Variants in ZNF888 observed in about 807,000 individuals in gnomAD.
ZNF888 encodes zinc finger protein 888.
In ZNF888, 5 loss-of-function variants were observed where a neutral mutation model predicts 7.2. The ratio of observed to expected loss-of-function variants is 0.70; its 90% CI spans 0.36 to 1.46. The LOEUF (loss-of-function observed/expected upper bound fraction) is 1.46. ZNF888 is among the 40% of genes most tolerant of loss of function. The probability of loss-of-function intolerance (pLI) is 0.03; values close to 1 mark genes in which losing one functional copy is unlikely to be tolerated. For synonymous variants in ZNF888, 240 were observed against 284.3 expected (o/e 0.84, Z 1.57); for missense variants, 716 against 858.0 (o/e 0.83, Z 2.07).
At chr19:52,913,714 C>T (rs1003129529) in intron 4 of ZNF888, 40 of 983,442 alleles carry the variant, frequency 4.1e-5, no homozygotes, top group Admixed American at 6.1e-5. Context: ...TATATCTATA[C>T]GACACACTTC....
Position 52,906,073 on chromosome 19 carries a change from T to TTAC in ZNF888, c.*89_*91dup. On this transcript the variant is annotated 3_prime_UTR_variant, in exon 5 of 5. Coordinates refer to ENST00000638862, the MANE Select transcript of ZNF888 (RefSeq NM_001393938.1). The stretch of plus-strand genomic sequence containing the variant: ...ACGATGTCTGAAAAATTTGCCACAT[T>TTAC]TACTACACTTGTAAGATCTCTATTC... The TTAC allele has an allele frequency of 6.3e-7, 1 of 1,596,654 alleles. No individual in the cohort carries two copies. Among genetic ancestry groups the TTAC allele is most frequent in the African/African-American group, 1.3e-5 (1 of 74,704 alleles).
chr19:52,920,414 A>C lies in ZNF888; in HGVS notation c.-177-1477T>G, dbSNP rs545814420. Among the ~76,000 whole-genome samples, 82 of 48,374 alleles carry C rather than the reference A, an allele frequency of 1.7e-3. 26 individuals are homozygous for C. The highest frequency in any genetic ancestry group is 5.4e-3 in the African/African-American group (79 of 14,562). The allele number at this position is 48,374 out of a possible 152,430, so 31.7% of individuals were successfully genotyped here. On this transcript the variant is annotated intron_variant, in intron 1 of 4. Transcript: ENST00000638862. ...TCCCCAACCCTGTGCTCTCTGAAAC[A>C]TGTGCTGTGTCCACTCAGGGTTAAA...
intron 4 of ZNF888, among the ~76,000 whole-genome samples, chr19:52,912,474 C>A (rs936146075): frequency 1.2e-4 from 18 of 149,272 alleles, no homozygotes; most frequent in Non-Finnish European, 2.2e-4. Context: ...GCCAGTAATC[C>A]CAGTATTTTG....
rs535266768 is a variant in ZNF888, at chr19:52,917,628, T to G, written c.15+231A>C. Among the ~76,000 whole-genome samples, 33 of 152,264 alleles carry G rather than the reference T, an allele frequency of 2.2e-4. No individual in the cohort carries two copies. In the South Asian group the frequency reaches 2.5e-3, roughly 11 times the overall value. ...CTCACCCCGTCTCCATCCATGTCTGTGTGTGAGCCCTTCCCAGGACCATGC... is the reference window on the plus strand; with the variant it reads ...CTCACCCCGTCTCCATCCATGTCTGGGTGTGAGCCCTTCCCAGGACCATGC... On this transcript the variant is annotated intron_variant, in intron 3 of 4. Transcript: ENST00000638862.
rs1447422274 is a variant in ZNF888 at position 52,920,093 on chromosome 19, C to A, written c.-177-1156G>T. Reference sequence around the variant, plus strand: ...GGGGGTCAGCCCCCCGCCCGGCCAGCCGCCCTATCCAGGAGGTGAGGGGCG... The same window carrying A: ...GGGGGTCAGCCCCCCGCCCGGCCAGACGCCCTATCCAGGAGGTGAGGGGCG... On this transcript the variant is annotated intron_variant, in intron 1 of 4. Coordinates refer to ENST00000638862, the MANE Select transcript of ZNF888 (RefSeq NM_001393938.1). 9.3e-5 allele frequency among the ~76,000 whole-genome samples: 5 copies of A among 53,752 alleles called. 2 individuals are homozygous for A. Among genetic ancestry groups the A allele is most frequent in the African/African-American group, 3.4e-4 (5 of 14,750 alleles). 35.3% of individuals were successfully genotyped at this position (53,752 alleles called of 152,430 possible).
chr19:52,916,001 C>G (rs1270255074), intron 3 of ZNF888, among the ~76,000 whole-genome samples: 1 of 152,260 alleles, frequency 6.6e-6, no homozygotes, highest in Non-Finnish European at 1.5e-5. Context: ...AAAAGATCAG[C>G]CAGGTGCAGT....
At chr19:52,919,916 C>T (rs1176270714) in intron 1 of ZNF888, among the ~76,000 whole-genome samples, 9 of 58,170 alleles carry the variant, frequency 1.5e-4, no homozygotes, top group African/African-American at 3.7e-4. Context: ...GGAGCCCCTC[C>T]GTCCGGCAGC....
At chr19:52,915,013 T>C (rs2064727699) in intron 4 of ZNF888, among the ~76,000 whole-genome samples, 183 bp downstream of exon 4, 1 of 152,182 alleles carries the variant, frequency 6.6e-6, no homozygotes, top group Non-Finnish European at 1.5e-5. Context: ...TGAGGTATCA[T>C]GAAGAATGCA....
intron 1 of ZNF888, among the ~76,000 whole-genome samples, chr19:52,922,161 A>T (rs974811783): frequency 6.6e-6 from 1 of 152,116 alleles, no homozygotes; most frequent in Admixed American, 6.5e-5. Context: ...CTAAAAATAC[A>T]AAAATTAGCT....
At chr19:52,910,873 C>T (rs1211090393) in intron 4 of ZNF888, among the ~76,000 whole-genome samples, 2 of 152,098 alleles carry the variant, frequency 1.3e-5, no homozygotes, top group African/African-American at 2.4e-5. Flanking sequence ...GCATGATTCT[C>T]CTACCTCAAG....
intron 3 of ZNF888, among the ~76,000 whole-genome samples, chr19:52,917,064 T>A (rs911674646): frequency 6.6e-6 from 1 of 152,236 alleles, no homozygotes; most frequent in Non-Finnish European, 1.5e-5. Context: ...GTAACACCAC[T>A]GTCTCCATGA....
chr19:52,917,441 C>A, intron 3 of ZNF888: 1 of 473,002 alleles, frequency 2.1e-6, no homozygotes. Flanking sequence ...GAAAACATTT[C>A]CTCTTATCGG....
At chr19:52,916,548 A>C (rs952511348) in intron 3 of ZNF888, among the ~76,000 whole-genome samples, 1 of 149,692 alleles carries the variant, frequency 6.7e-6, no homozygotes, top group African/African-American at 2.5e-5. Flanking sequence ...ATGTGTGGGG[A>C]TGTGTGTATA....
intron 1 of ZNF888, chr19:52,921,734 C>A (rs2064824230): frequency 1.3e-6 from 1 of 741,308 alleles, no homozygotes; most frequent in Non-Finnish European, 1.6e-6. Context: ...TGTAGACCAG[C>A]CTGACCTACA....
At chr19:52,909,687 TAAAAC>T (rs1568742656) in intron 4 of ZNF888, among the ~76,000 whole-genome samples, 1 of 152,120 alleles carries the variant, frequency 6.6e-6, no homozygotes, top group Non-Finnish European at 1.5e-5. Context: ...TAACCCATGA[TAAAAC>T]AAGCAAGAAA....
At chr19:52,910,068 G>A (rs373975115) in intron 4 of ZNF888, among the ~76,000 whole-genome samples, 2 of 144,282 alleles carry the variant, frequency 1.4e-5, no homozygotes, top group East Asian at 2.1e-4. Flanking sequence ...AGAATCACTC[G>A]ACCCTGGAAA....
intron 4 of ZNF888, among the ~76,000 whole-genome samples, chr19:52,911,796 T>C: frequency 7.1e-6 from 1 of 139,872 alleles, no homozygotes; most frequent in Non-Finnish European, 1.6e-5. Flanking sequence ...CTAATAGCAG[T>C]AACATATTTT....
Position 52,907,599 on chromosome 19 carries a change from T to C in ZNF888, c.723A>G (p.Gln241=), listed in dbSNP as rs1374255629. The part of the protein sequence containing the change: ...KHQIIHLGEK[Q]YKCDVCGKDF... ...CTTTGCCACATACATCACATTTATA[T>C]TGTTTCTCTCCTAGATGAATTATCT... Residue 241 remains glutamine (Q), a synonymous_variant, in exon 5 of 5, where the codon CAA becomes CAG. Coordinates refer to ENST00000638862, the MANE Select transcript of ZNF888 (RefSeq NM_001393938.1). The C allele has an allele frequency of 6.2e-7, 1 of 1,605,580 alleles. No individual in the cohort carries two copies. The highest frequency in any genetic ancestry group is 2.2e-5 in the East Asian group (1 of 44,870).
chr19:52,910,709 A>G (rs1267802428), intron 4 of ZNF888, among the ~76,000 whole-genome samples: 1 of 152,058 alleles, frequency 6.6e-6, no homozygotes, highest in Non-Finnish European at 1.5e-5. Context: ...GCCTCTCACC[A>G]GGAACTTATT....
Sources: gnomAD v4.1 joint callset for allele counts (sites outside exome capture counted in the v4.1 genomes callset) on GRCh38, gnomAD v4.1.1 for gene constraint, MANE v1.5 for transcripts, NCBI Gene and HGNC (gene_info 2026-07-23, HGNC 2026-07-21) for gene names.